The following ANKS1B variants were observed in gnomAD, a reference collection of about 807,000 sequenced individuals.
ANKS1B encodes the protein ankyrin repeat and sterile alpha motif domain containing 1B.
A neutral mutation model predicts 148.3 loss-of-function variants in ANKS1B; 36 were observed. The ratio of observed to expected loss-of-function variants is 0.24; its 90% CI spans 0.19 to 0.32. ANKS1B has a LOEUF of 0.32. Ranked by LOEUF, ANKS1B falls within the 10% of genes least tolerant of loss-of-function variation. The pLI is 1.00. For missense variants in ANKS1B, 1,157 were observed against 1,542.6 expected (o/e 0.75, Z 4.19); for synonymous variants, 542 against 560.8 (o/e 0.97, Z 0.47).
chr12:99,639,492 G>T (rs1156699731), intron 9 of ANKS1B, among the ~76,000 whole-genome samples: 2 of 152,062 alleles, frequency 1.3e-5, no homozygotes, highest in Admixed American at 6.5e-5. Flanking sequence ...TACCAGGGGT[G>T]GAATGATATG....
chr12:99,486,097 T>C (rs1200728510), intron 10 of ANKS1B, among the ~76,000 whole-genome samples: 1 of 152,148 alleles, frequency 6.6e-6, no homozygotes, highest in Non-Finnish European at 1.5e-5. Context: ...TGTTATAGAA[T>C]CCTGTTTTGT....
At chr12:98,843,042 G>A (rs2099416754) in intron 17 of ANKS1B, among the ~76,000 whole-genome samples, 1 of 152,198 alleles carries the variant, frequency 6.6e-6, no homozygotes, top group Non-Finnish European at 1.5e-5. Flanking sequence ...CTCTGGATGG[G>A]TAACAGGTGG....
In ANKS1B at chr12:99,314,756, T is replaced by A. The variant is rs1232907295; in HGVS notation, c.1757-67892A>T. Among the ~76,000 whole-genome samples, 5 of 152,040 alleles carry A rather than the reference T, an allele frequency of 3.3e-5. No homozygotes were observed. In the East Asian group the frequency reaches 7.7e-4, roughly 24 times the overall value. Reference sequence around the variant, plus strand: ...TCGGAACCCTTCCTTATACCTTTTATAAAAATTAACTCAAGATGGATTAAA... The same window carrying A: ...TCGGAACCCTTCCTTATACCTTTTAAAAAAATTAACTCAAGATGGATTAAA... On this transcript the variant is annotated intron_variant, in intron 12 of 26. Coordinates refer to ENST00000683438, the MANE Select transcript of ANKS1B (RefSeq NM_001352186.2).
At chr12:99,177,002 TATG>T (rs2078480596) in intron 14 of ANKS1B, among the ~76,000 whole-genome samples, 1 of 152,212 alleles carries the variant, frequency 6.6e-6, no homozygotes, top group Non-Finnish European at 1.5e-5. Context: ...ATTTTCTGCA[TATG>T]AGAGGAGGTC....
At chr12:99,022,418 A>C (rs2099946332) in intron 17 of ANKS1B, among the ~76,000 whole-genome samples, 1 of 152,230 alleles carries the variant, frequency 6.6e-6, no homozygotes, top group Non-Finnish European at 1.5e-5. Context: ...TTTGAAGTTT[A>C]TCTGCCATAG....
Position 99,246,610 on chromosome 12 carries a change from T to C in ANKS1B, c.2011A>G (p.Arg671Gly). ...VKKIKPKVVS[R>G]TIFHKKSNQL... ...TTGCTTTTTTTGTGAAAAATTGTTC[T>C]ACTGACCACTTTGGGTTTAATTTTC... is the stretch of plus-strand genomic sequence containing the variant. The change falls in exon 13 of 27, where the codon AGA becomes GGA. Residue 671 changes from arginine to glycine, a missense_variant. By Grantham distance (125) the Arg-to-Gly change is moderately radical. Transcript: ENST00000683438. The C allele has an allele frequency of 6.2e-7, 1 of 1,613,542 alleles. No individual in the cohort carries two copies. The highest frequency in any genetic ancestry group is 8.5e-7 in the Non-Finnish European group (1 of 1,179,662).
At chr12:99,048,172 CA>C in intron 17 of ANKS1B, among the ~76,000 whole-genome samples, 1 of 152,264 alleles carries the variant, frequency 6.6e-6, no homozygotes, top group Admixed American at 6.5e-5. Flanking sequence ...GTGGCTTCTT[CA>C]GAGGAAATTT....
At chr12:99,222,390 G>T (rs1414961901) in intron 14 of ANKS1B, among the ~76,000 whole-genome samples, 1 of 152,188 alleles carries the variant, frequency 6.6e-6, no homozygotes, top group African/African-American at 2.4e-5. Flanking sequence ...AAGGCAGGTG[G>T]ATCTCCTTGA....
At chr12:99,974,382 C>T (rs2153837566) in intron 1 of ANKS1B, among the ~76,000 whole-genome samples, 1 of 152,240 alleles carries the variant, frequency 6.6e-6, no homozygotes, top group East Asian at 1.9e-4. Context: ...TATGTCTGAG[C>T]TATGCCTGTA....
chr12:99,309,648 A>G (rs1022176772), intron 12 of ANKS1B, among the ~76,000 whole-genome samples: 12 of 152,110 alleles, frequency 7.9e-5, no homozygotes, highest in Non-Finnish European at 4.4e-5. Flanking sequence ...CATATAAAAT[A>G]AAATATAAAT....
At chr12:98,950,037 G>A (rs552881525) in intron 17 of ANKS1B, among the ~76,000 whole-genome samples, 3 of 152,328 alleles carry the variant, frequency 2.0e-5, no homozygotes, top group African/African-American at 7.2e-5. Flanking sequence ...AAGGCTGAAG[G>A]AGGGAGTGGT....
At chr12:98,916,805 GTGT>G (rs1364915525) in intron 17 of ANKS1B, among the ~76,000 whole-genome samples, 1 of 152,046 alleles carries the variant, frequency 6.6e-6, no homozygotes, top group Non-Finnish European at 1.5e-5. Flanking sequence ...TTATTTCCTA[GTGT>G]TGTTACAAAG....
At chr12:99,661,439 A>T (rs59740915) in intron 8 of ANKS1B, among the ~76,000 whole-genome samples, 5,248 of 152,166 alleles carry the variant, frequency 0.034, 327 homozygotes, top group African/African-American at 0.12. Context: ...TTCTCCCTGT[A>T]CCCGTTTACA....
chr12:99,932,558 C>T (rs1257830815), intron 1 of ANKS1B, among the ~76,000 whole-genome samples: 2 of 152,012 alleles, frequency 1.3e-5, no homozygotes, highest in Admixed American at 6.6e-5. Flanking sequence ...TGCCTGTCTG[C>T]CATTTGTATG....
chr12:99,463,356 G>A (rs2096020948), intron 10 of ANKS1B, among the ~76,000 whole-genome samples: 1 of 152,238 alleles, frequency 6.6e-6, no homozygotes, highest in Admixed American at 6.5e-5. Context: ...CTCCCAGCAT[G>A]AGTGACGCAG....
chr12:99,540,304 C>A (rs758770864), intron 9 of ANKS1B, among the ~76,000 whole-genome samples: 1 of 152,066 alleles, frequency 6.6e-6, no homozygotes, highest in Non-Finnish European at 1.5e-5. Context: ...ATACCATAAG[C>A]CAAGTAGACC....
chr12:99,262,473 TTAAAA>T (rs1458957082), intron 12 of ANKS1B, among the ~76,000 whole-genome samples: 4 of 152,092 alleles, frequency 2.6e-5, no homozygotes, highest in Non-Finnish European at 5.9e-5. Context: ...ATAAGTGACT[TTAAAA>T]TAAAATAACC....
chr12:99,186,531 C>T (rs993932814), intron 14 of ANKS1B, among the ~76,000 whole-genome samples: 8 of 152,152 alleles, frequency 5.3e-5, no homozygotes, highest in Non-Finnish European at 7.4e-5. Context: ...GATGAAGCTT[C>T]CAGAGGAAGG....
chr12:99,613,684 G>A (rs183197203), intron 9 of ANKS1B, among the ~76,000 whole-genome samples: 9 of 152,056 alleles, frequency 5.9e-5, no homozygotes, highest in Admixed American at 3.9e-4. Flanking sequence ...GGAGAACAAC[G>A]CACACTGGGG....
Sources: gnomAD v4.1 joint callset for allele counts (sites outside exome capture counted in the v4.1 genomes callset) on GRCh38, gnomAD v4.1.1 for gene constraint, MANE v1.5 for transcripts, NCBI Gene and HGNC (gene_info 2026-07-23, HGNC 2026-07-21) for gene names.